The following DCC variants were observed in gnomAD, a reference collection of about 807,000 sequenced individuals.
DCC encodes the protein DCC netrin 1 receptor.
A neutral mutation model predicts 172.5 loss-of-function variants in DCC; 58 were observed. The observed-to-expected ratio is 0.34, with a 90% CI of 0.27 to 0.42. DCC has a LOEUF of 0.42. Ranked by LOEUF, DCC falls within the 10% of genes least tolerant of loss-of-function variation. DCC has a pLI of 1.00. For synonymous variants in DCC, 709 were observed against 644.5 expected, an observed-to-expected ratio of 1.10 and a Z score of -1.52; for missense variants, 1,740 against 1,791.0, an observed-to-expected ratio of 0.97 and a Z score of 0.51.
intron 3 of DCC, among the ~76,000 whole-genome samples, chr18:52,906,550 G>T: frequency 6.7e-6 from 1 of 148,440 alleles, no homozygotes; most frequent in South Asian, 2.1e-4. Context: ...TGGAAAAACA[G>T]TTATCTCTCC....
intron 1 of DCC, among the ~76,000 whole-genome samples, chr18:52,737,350 T>C (rs2036745738): frequency 6.6e-6 from 1 of 152,122 alleles, no homozygotes; most frequent in South Asian, 2.1e-4. Flanking sequence ...GACATCTTTT[T>C]AAAGCCAATG....
At chr18:52,862,824 G>A (rs7232516) in intron 2 of DCC, among the ~76,000 whole-genome samples, 24,478 of 151,980 alleles carry the variant, frequency 0.16, 2,272 homozygotes, top group East Asian at 0.38. Flanking sequence ...TGAGATCAAC[G>A]GAATCTTTCC....
intron 2 of DCC, among the ~76,000 whole-genome samples, chr18:52,817,697 A>G (rs1389153203): frequency 1.3e-5 from 2 of 152,168 alleles, no homozygotes; most frequent in Non-Finnish European, 2.9e-5. Flanking sequence ...GCATGCATAC[A>G]TAGACACCCA....
At chr18:53,334,262 T>G (rs2144855376) in intron 14 of DCC, among the ~76,000 whole-genome samples, 1 of 152,244 alleles carries the variant, frequency 6.6e-6, no homozygotes, top group South Asian at 2.1e-4. Context: ...ACTTCACACC[T>G]CCATTCCTGC....
intron 1 of DCC, among the ~76,000 whole-genome samples, chr18:52,392,663 G>T (rs1986074037): frequency 6.6e-6 from 1 of 152,014 alleles, no homozygotes; most frequent in Admixed American, 6.6e-5. Context: ...CAATACTCCT[G>T]CTGCTAATGC....
intron 1 of DCC, among the ~76,000 whole-genome samples, chr18:52,627,512 C>T (rs73457841): frequency 4.4e-4 from 67 of 152,178 alleles, no homozygotes; most frequent in African/African-American, 1.6e-3. Context: ...TTTTATGATG[C>T]GTTGTATATA....
chr18:52,966,000 C>G (rs952759227), intron 5 of DCC, among the ~76,000 whole-genome samples: 1 of 152,128 alleles, frequency 6.6e-6, no homozygotes, highest in African/African-American at 2.4e-5. Context: ...CTGTGGGGAC[C>G]CATAAAGGAA....
chr18:53,481,462 C>G (rs1436353012), intron 25 of DCC, among the ~76,000 whole-genome samples: 1 of 152,172 alleles, frequency 6.6e-6, no homozygotes, highest in Non-Finnish European at 1.5e-5. Context: ...CATTCTGTGG[C>G]ACTTGCTTAT....
At chr18:53,300,403 G>GT (rs1426839060) in intron 12 of DCC, among the ~76,000 whole-genome samples, 1 of 152,044 alleles carries the variant, frequency 6.6e-6, no homozygotes, top group Non-Finnish European at 1.5e-5. Flanking sequence ...TTGGTGCCAT[G>GT]TTTTTTGTAT....
chr18:53,362,281 AT>A (rs1255986010), intron 15 of DCC, among the ~76,000 whole-genome samples: 1 of 152,208 alleles, frequency 6.6e-6, no homozygotes, highest in African/African-American at 2.4e-5. Flanking sequence ...GTCAAATAAA[AT>A]TTATTTAAAG....
intron 7 of DCC, among the ~76,000 whole-genome samples, chr18:53,082,861 A>G (rs1014602698): frequency 1.3e-5 from 2 of 151,918 alleles, no homozygotes; most frequent in Non-Finnish European, 2.9e-5. Context: ...TCTATCTCCT[A>G]TGTTCTACCT....
intron 1 of DCC, among the ~76,000 whole-genome samples, chr18:52,449,320 A>G (rs972342678): frequency 2.0e-5 from 3 of 152,340 alleles, no homozygotes; most frequent in South Asian, 4.1e-4. Context: ...TGAAAATTAG[A>G]CAAAAGTATG....
chr18:53,108,633 C>G (rs2043284797), intron 7 of DCC, among the ~76,000 whole-genome samples: 1 of 151,698 alleles, frequency 6.6e-6, no homozygotes, highest in Non-Finnish European at 1.5e-5. Flanking sequence ...AGCACCCATC[C>G]AGAAACACTC....
At chr18:52,811,662 CAT>C (rs748216414) in intron 2 of DCC, among the ~76,000 whole-genome samples, 158 of 152,174 alleles carry the variant, frequency 1.0e-3, no homozygotes, top group Non-Finnish European at 1.3e-3. Context: ...TCTTATTAAA[CAT>C]AAAAAGAATT....
chr18:53,134,596 AG>A (rs1410072524), intron 7 of DCC, among the ~76,000 whole-genome samples: 1 of 152,152 alleles, frequency 6.6e-6, no homozygotes, highest in Non-Finnish European at 1.5e-5. Context: ...GCTTTTACCT[AG>A]CCAGTTGGTA....
chr18:52,990,474 G>A (rs375797100), intron 5 of DCC, among the ~76,000 whole-genome samples: 5 of 148,708 alleles, frequency 3.4e-5, no homozygotes, highest in Non-Finnish European at 5.9e-5. Context: ...TGGGAACCGG[G>A]GGTTATGGTG....
At chr18:53,432,901 C>G (rs1204537517) in intron 21 of DCC, among the ~76,000 whole-genome samples, 1 of 152,138 alleles carries the variant, frequency 6.6e-6, no homozygotes, top group Non-Finnish European at 1.5e-5. Flanking sequence ...TTAGGCTCAT[C>G]AACATCCCAG....
intron 1 of DCC, among the ~76,000 whole-genome samples, chr18:52,741,871 C>T (rs1220652264): frequency 1.3e-5 from 2 of 152,018 alleles, no homozygotes; most frequent in Non-Finnish European, 2.9e-5. Flanking sequence ...GGTTTGCATC[C>T]CCCAGAATTC....
chr18:53,267,167 C>G (rs1598965458), intron 12 of DCC, among the ~76,000 whole-genome samples: 3 of 148,866 alleles, frequency 2.0e-5, no homozygotes, highest in Admixed American at 6.7e-5. Flanking sequence ...GAGAGAGAGA[C>G]AGAGACAGAG....
Sources: gnomAD v4.1 joint callset for allele counts (sites outside exome capture counted in the v4.1 genomes callset) on GRCh38, gnomAD v4.1.1 for gene constraint, MANE v1.5 for transcripts, NCBI Gene and HGNC (gene_info 2026-07-23, HGNC 2026-07-21) for gene names.